KAZN: variants seen among roughly 807,000 people sequenced by gnomAD.
KAZN encodes the protein kazrin.
In KAZN, 40 loss-of-function variants were observed where a neutral mutation model predicts 87.4. The ratio of observed to expected loss-of-function variants is 0.46; its 90% CI spans 0.36 to 0.60. The LOEUF is 0.60. KAZN is among the 20% of genes least tolerant of loss of function. The pLI is 0.00. For synonymous variants in KAZN, 466 were observed against 458.3 expected (o/e 1.02, Z -0.22); for missense variants, 898 against 1,073.9 (o/e 0.84, Z 2.29).
At chr1:14,664,653 CTTTT>C (rs543110951) in intron 1 of KAZN, among the ~76,000 whole-genome samples, 2 of 139,386 alleles carry the variant, frequency 1.4e-5, no homozygotes, top group Non-Finnish European at 3.1e-5. Context: ...TTCTTTTTCT[CTTTT>C]TTTTTTTTTT....
chr1:14,775,843 G>A (rs1016398979), intron 1 of KAZN, among the ~76,000 whole-genome samples: 1 of 152,142 alleles, frequency 6.6e-6, no homozygotes, highest in South Asian at 2.1e-4. Context: ...CCTCCTAAAG[G>A]GAGGGTCCGG....
rs971099935 is a variant in KAZN, at chr1:13,963,783, G to A, written c.91+70027G>A. 1.0e-3 allele frequency among the ~76,000 whole-genome samples: 157 copies of A among 151,930 alleles called. 2 individuals carry two copies. The highest frequency in any genetic ancestry group is 1.5e-3 in the Admixed American group (23 of 15,258). On this transcript the variant is annotated intron_variant, in intron 1 of 16. Coordinates refer to the KAZN transcript ENST00000636203. ...TCTGTGTGTGTGTGTGTGTGTGTGTGTGTGTGTGTGTGTGTGTGTGTAGGG... is the reference window on the plus strand; with the variant it reads ...TCTGTGTGTGTGTGTGTGTGTGTGTATGTGTGTGTGTGTGTGTGTGTAGGG...
chr1:14,379,947 T>TA (rs1045882890), intron 2 of KAZN, among the ~76,000 whole-genome samples: 4 of 152,156 alleles, frequency 2.6e-5, no homozygotes, highest in Non-Finnish European at 4.4e-5. Flanking sequence ...GCTTCAGGTC[T>TA]AACCCAGCAC....
At chr1:14,639,081 C>T (rs1329214768) in intron 1 of KAZN, among the ~76,000 whole-genome samples, 1 of 152,190 alleles carries the variant, frequency 6.6e-6, no homozygotes, top group Admixed American at 6.5e-5. Flanking sequence ...ACGCATCTTT[C>T]ATGTCTTTTC....
In KAZN at chr1:14,320,050, C is replaced by T. The variant is rs547894632; in HGVS notation, c.249+139458C>T. 3.3e-5 allele frequency among the ~76,000 whole-genome samples: 5 copies of T among 152,106 alleles called. No individual in the cohort carries two copies. The East Asian group carries it at 9.6e-4, about 29-fold the overall frequency. Reference sequence around the variant, plus strand: ...ATTACTTATCAGTTGTGGTGGTAAGCTTTTTACAACTATTCTTGTATTATC... The same window carrying T: ...ATTACTTATCAGTTGTGGTGGTAAGTTTTTTACAACTATTCTTGTATTATC... On this transcript the variant is annotated intron_variant, in intron 2 of 16. Transcript: ENST00000636203.
intron 1 of KAZN, among the ~76,000 whole-genome samples, chr1:14,803,005 C>A (rs1472710049): frequency 1.3e-5 from 2 of 152,080 alleles, no homozygotes; most frequent in African/African-American, 2.4e-5. Context: ...GCTTTCTGAC[C>A]CACCCTCCTC....
intron 2 of KAZN, among the ~76,000 whole-genome samples, chr1:14,455,330 T>C (rs1228023846): frequency 1.3e-5 from 2 of 152,206 alleles, no homozygotes; most frequent in Non-Finnish European, 2.9e-5. Flanking sequence ...TCAAATCCAA[T>C]AAGCAACTTG....
chr1:14,405,535 T>TA (rs1663768877), intron 2 of KAZN, among the ~76,000 whole-genome samples: 1 of 152,006 alleles, frequency 6.6e-6, no homozygotes, highest in Admixed American at 6.6e-5. Flanking sequence ...CAGCACTTCC[T>TA]AGCTGTGTGT....
intron 4 of KAZN, among the ~76,000 whole-genome samples, chr1:15,051,470 C>A (rs1400971969): frequency 6.6e-6 from 1 of 152,220 alleles, no homozygotes; most frequent in African/African-American, 2.4e-5. Flanking sequence ...GTGGGCCAGA[C>A]CGGATCCTTG....
chr1:15,037,194 C>T (rs531311977), intron 3 of KAZN, among the ~76,000 whole-genome samples: 1 of 152,360 alleles, frequency 6.6e-6, no homozygotes, highest in Non-Finnish European at 1.5e-5. Context: ...TGACCAGCCC[C>T]ATGCCCAGCA....
chr1:14,644,511 G>A (rs1190908817), intron 1 of KAZN, among the ~76,000 whole-genome samples: 1 of 151,690 alleles, frequency 6.6e-6, no homozygotes, highest in South Asian at 2.1e-4. Flanking sequence ...ACAGGCGCCT[G>A]CCACCACACC....
chr1:14,565,910 A>G (rs768715121), intron 2 of KAZN, among the ~76,000 whole-genome samples: 1 of 152,120 alleles, frequency 6.6e-6, no homozygotes, highest in African/African-American at 2.4e-5. Context: ...TCTTCCACTG[A>G]CATCTTAAAT....
chr1:14,952,601 G>T (rs1042295917), intron 1 of KAZN, among the ~76,000 whole-genome samples: 6 of 151,998 alleles, frequency 3.9e-5, no homozygotes, highest in Admixed American at 6.5e-5. Context: ...GTTGATCAGG[G>T]TGTCCACCCC....
At chr1:14,157,930 A>G (rs185980747) in intron 1 of KAZN, among the ~76,000 whole-genome samples, 1 of 152,146 alleles carries the variant, frequency 6.6e-6, no homozygotes, top group East Asian at 1.9e-4. Flanking sequence ...ATCAGATCTC[A>G]TGAGAACTCA....
intron 1 of KAZN, among the ~76,000 whole-genome samples, chr1:13,948,991 T>A (rs1174072767): frequency 6.6e-6 from 1 of 152,186 alleles, no homozygotes; most frequent in African/African-American, 2.4e-5. Flanking sequence ...ATCGCCTCTC[T>A]GACGTACCCA....
At chr1:14,478,482 C>T (rs1668896938) in intron 2 of KAZN, among the ~76,000 whole-genome samples, 1 of 152,108 alleles carries the variant, frequency 6.6e-6, no homozygotes, top group Admixed American at 6.5e-5. Context: ...TCACAGAGGT[C>T]ACTATTTTGT....
At chr1:14,933,960 G>A (rs1660145532) in intron 1 of KAZN, among the ~76,000 whole-genome samples, 1 of 150,144 alleles carries the variant, frequency 6.7e-6, no homozygotes, top group South Asian at 2.1e-4. Flanking sequence ...CCATTCTCCT[G>A]CCTCCGCCTC....
intron 2 of KAZN, among the ~76,000 whole-genome samples, chr1:14,255,138 A>AAAGAAG (rs1199857011): frequency 6.1e-4 from 76 of 125,296 alleles, no homozygotes; most frequent in East Asian, 1.8e-3. Context: ...AAAAAAAAAA[A>AAAGAAG]AAGAAGAAGA....
intron 1 of KAZN, among the ~76,000 whole-genome samples, chr1:14,635,298 G>A (rs1020585754): frequency 1.3e-5 from 2 of 152,204 alleles, no homozygotes; most frequent in Non-Finnish European, 2.9e-5. Flanking sequence ...GTAGGGAACT[G>A]TCCTGTGCAC....
Sources: gnomAD v4.1 joint callset for allele counts (sites outside exome capture counted in the v4.1 genomes callset) on GRCh38, gnomAD v4.1.1 for gene constraint, MANE v1.5 for transcripts, NCBI Gene and HGNC (gene_info 2026-07-23, HGNC 2026-07-21) for gene names.